The following PDE9A variants were observed in gnomAD, a reference collection of about 807,000 sequenced individuals.
PDE9A encodes high affinity cGMP-specific 3',5'-cyclic phosphodiesterase 9A.
PDE9A carries 60 observed loss-of-function variants against 87.4 expected under a neutral mutation model. The ratio of observed to expected loss-of-function variants is 0.69; its 90% confidence interval spans 0.56 to 0.85. PDE9A has a LOEUF of 0.85. Ranked by LOEUF, PDE9A falls within the 40% of genes least tolerant of loss-of-function variation. The pLI is 0.00. For missense variants in PDE9A, 665 were observed against 779.0 expected, an observed-to-expected ratio of 0.85 and a Z score of 1.74; for synonymous variants, 272 against 279.4, an observed-to-expected ratio of 0.97 and a Z score of 0.27.
At position 42,665,015 on chromosome 21, in the gene PDE9A, G is replaced by T. The variant is rs370968226; in HGVS notation, c.69+11132G>T. On this transcript the variant is annotated intron_variant, in intron 1 of 19. Transcript: ENST00000291539. ...TCAAGATGAGGTCATACTGCATTGG[G>T]ATGGGCCTCAAGCCCATATGCCCGC... is the stretch of plus-strand genomic sequence containing the variant. Among the ~76,000 whole-genome samples the T allele has an allele frequency of 2.6e-5, 4 of 152,258 alleles. No individual in the cohort carries two copies. The East Asian group carries it at 7.7e-4, about 29-fold the overall frequency.
intron 7 of PDE9A, 60 bp downstream of exon 7, chr21:42,733,486 C>A: frequency 1.0e-6 from 1 of 959,250 alleles, no homozygotes; most frequent in Non-Finnish European, 1.7e-6. Flanking sequence ...TTCAAATTAA[C>A]CACTTGGAAC....
At chr21:42,687,433 G>C (rs1017866606) in intron 2 of PDE9A, among the ~76,000 whole-genome samples, 4 of 152,138 alleles carry the variant, frequency 2.6e-5, no homozygotes, top group African/African-American at 9.7e-5. Context: ...GATTAACTTG[G>C]TCGAGGTAAC....
chr21:42,751,681 C>T (rs918819640), intron 9 of PDE9A, among the ~76,000 whole-genome samples: 6 of 151,012 alleles, frequency 4.0e-5, no homozygotes, highest in Admixed American at 2.6e-4. Context: ...AGGAGGGTCT[C>T]GAGTTGCCGG....
At chr21:42,740,704 G>GGTGATAGA (rs1250691790) in intron 7 of PDE9A, among the ~76,000 whole-genome samples, 3 of 133,346 alleles carry the variant, frequency 2.2e-5, no homozygotes, top group African/African-American at 8.7e-5. Flanking sequence ...TAGGTAGGTA[G>GGTGATAGA]TAGATAGATA....
intron 4 of PDE9A, among the ~76,000 whole-genome samples, chr21:42,699,527 C>T (rs541029505): frequency 2.0e-5 from 3 of 151,962 alleles, no homozygotes; most frequent in Non-Finnish European, 2.9e-5. Flanking sequence ...TTACTTGGGC[C>T]GCTGTGTTAC....
intron 3 of PDE9A, among the ~76,000 whole-genome samples, chr21:42,693,333 C>G (rs2059963656): frequency 6.8e-6 from 1 of 147,088 alleles, no homozygotes. Context: ...GAGTCTGGCT[C>G]TGTCGCCCAG....
intron 6 of PDE9A, among the ~76,000 whole-genome samples, 194 bp downstream of exon 6, chr21:42,732,318 C>T (rs888430945): frequency 1.4e-4 from 22 of 152,218 alleles, no homozygotes; most frequent in Admixed American, 6.5e-4. Context: ...GCCCAGGAAA[C>T]GCTCACCTTA....
At chr21:42,669,046 C>T (rs2145925672) in intron 1 of PDE9A, among the ~76,000 whole-genome samples, 1 of 152,220 alleles carries the variant, frequency 6.6e-6, no homozygotes, top group East Asian at 1.9e-4. Flanking sequence ...GAGGCCCACC[C>T]GGTATCAAGG....
intron 1 of PDE9A, among the ~76,000 whole-genome samples, chr21:42,685,159 CCGCG>C (rs1213441590): frequency 6.6e-6 from 1 of 152,224 alleles, no homozygotes; most frequent in East Asian, 1.9e-4. Flanking sequence ...GTGGCCCGTT[CCGCG>C]CTCTGTCCAG....
chr21:42,730,642 T>C (rs1462188570), intron 4 of PDE9A, among the ~76,000 whole-genome samples: 1 of 152,174 alleles, frequency 6.6e-6, no homozygotes, highest in Non-Finnish European at 1.5e-5. Context: ...TTTAAAATCT[T>C]TTTTTTGTAC....
At chr21:42,726,567 T>C (rs908754209) in intron 4 of PDE9A, among the ~76,000 whole-genome samples, 9 of 140,376 alleles carry the variant, frequency 6.4e-5, no homozygotes, top group African/African-American at 2.5e-4. Context: ...TTTCCAACAC[T>C]ATTACTGAAT....
intron 4 of PDE9A, among the ~76,000 whole-genome samples, chr21:42,720,435 G>T (rs1373216053): frequency 2.0e-5 from 3 of 151,260 alleles, no homozygotes; most frequent in Admixed American, 1.3e-4. Flanking sequence ...CGGAGGTTGC[G>T]GTGAGCCGAG....
At chr21:42,746,407 C>T (rs2053852118) in intron 8 of PDE9A, among the ~76,000 whole-genome samples, 2 of 152,190 alleles carry the variant, frequency 1.3e-5, no homozygotes, top group Admixed American at 6.5e-5. Flanking sequence ...TCTGAAGGCC[C>T]CAGGGGAGGG....
chr21:42,769,093 G>A lies in PDE9A; in HGVS notation c.1528G>A (p.Ala510Thr). The A allele has an allele frequency of 6.2e-7, 1 of 1,613,902 alleles. No homozygotes were observed. Among genetic ancestry groups the A allele is most frequent in the Non-Finnish European group, 8.5e-7 (1 of 1,179,804 alleles). ...CATGGACCGAGACAAAGTGACCAAG[G>A]CCACAGCCCAGATTGGGTTCATCAA... ...PFMDRDKVTK[A>T]TAQIGFIKFV... Residue 510 changes from alanine (A) to threonine (T), a missense_variant, in exon 17 of 20, where the codon GCC becomes ACC. By Grantham distance (58) the Ala-to-Thr change is moderately conservative. Coordinates refer to ENST00000291539, the MANE Select transcript of PDE9A (RefSeq NM_002606.3).
rs180715533 is a variant in PDE9A at position 42,700,485 on chromosome 21, G to A, written c.262+1474G>A. On this transcript the variant is annotated intron_variant, in intron 4 of 19. Transcript: ENST00000291539. The stretch of plus-strand genomic sequence containing the variant: ...GTCTGTAGAGTGTTCCCCAGTCTGG[G>A]TTTGTCTGACGTTTCTCTCACGACC... Among the ~76,000 whole-genome samples the A allele has an allele frequency of 2.1e-3, 318 of 152,302 alleles. 3 individuals are homozygous for A. Among genetic ancestry groups the A allele is most frequent in the Middle Eastern group, 0.01 (3 of 294 alleles).
chr21:42,726,605 TATATA>T (rs2051078743), intron 4 of PDE9A, among the ~76,000 whole-genome samples: 2 of 17,034 alleles, frequency 1.2e-4, no homozygotes, highest in Admixed American at 4.5e-4. Flanking sequence ...TATATATATA[TATATA>T]TATATATATA....
At chr21:42,732,008 A>C (rs1713336323) in intron 5 of PDE9A, 59 bp downstream of exon 5, 11 of 1,611,750 alleles carry the variant, frequency 6.8e-6, no homozygotes, top group Non-Finnish European at 8.5e-6. Context: ...TTCGGGCTGC[A>C]ATGGCCTACA....
At chr21:42,699,646 C>T (rs2048229455) in intron 4 of PDE9A, among the ~76,000 whole-genome samples, 1 of 152,076 alleles carries the variant, frequency 6.6e-6, no homozygotes, top group Admixed American at 6.5e-5. Context: ...ACCTCTGCCT[C>T]CCAAGTTCAA....
chr21:42,769,397 GCACACACACGGCA>G (rs2056726396), intron 17 of PDE9A, among the ~76,000 whole-genome samples: 1 of 109,114 alleles, frequency 9.2e-6, no homozygotes, highest in African/African-American at 4.5e-5. Flanking sequence ...GCACACAAAT[GCACACACACGGCA>G]CACACAGGCA....
Sources: allele counts gnomAD v4.1 joint callset (sites outside exome capture counted in the v4.1 genomes callset), GRCh38; gene constraint gnomAD v4.1.1; transcripts MANE v1.5; gene names NCBI Gene and HGNC (gene_info 2026-07-23, HGNC 2026-07-21).